ADAM17: variants seen among roughly 807,000 people sequenced by gnomAD.
ADAM17 encodes disintegrin and metalloproteinase domain-containing protein 17.
A neutral mutation model predicts 96.7 loss-of-function variants in ADAM17; 39 were observed. That is an observed-to-expected ratio of 0.40 (90% confidence interval 0.31 to 0.53). The LOEUF is 0.53. Among genes scored for constraint, ADAM17 ranks in the 20% least tolerant of loss-of-function variants. ADAM17 has a pLI of 0.44. For missense variants in ADAM17, 777 were observed against 1,013.2 expected (o/e 0.77, Z 3.17); for synonymous variants, 344 against 359.2 (o/e 0.96, Z 0.48).
chr2:9,549,674 T>C (rs949544709), intron 1 of ADAM17, among the ~76,000 whole-genome samples: 1 of 152,006 alleles, frequency 6.6e-6, no homozygotes, highest in Non-Finnish European at 1.5e-5. Flanking sequence ...CCACCGCACC[T>C]GGCTAATTTT....
Position 9,490,189 on chromosome 2 carries a change from TTCTTTGCTG to T in ADAM17, c.2454_2462del (p.Asp818_Lys820del), listed in dbSNP as rs777944947. ...GCTGAGAACTAAATTAGCACTCTGT[TTCTTTGCTG>T]TCAACACGATTCTGACGCTGCAGTT... is the stretch of plus-strand genomic sequence containing the variant. On this transcript the variant is annotated inframe_deletion, in exon 19 of 19. Transcript: ENST00000310823. 1 of 1,594,948 alleles carries T rather than the reference TTCTTTGCTG, an allele frequency of 6.3e-7. No individual in the cohort carries two copies. The highest frequency in any genetic ancestry group is 8.6e-7 in the Non-Finnish European group (1 of 1,163,982).
chr2:9,489,212 A>AACAGGCAATCTTTGTAT lies in ADAM17; in HGVS notation c.*948_*964dup, dbSNP rs1286574798. 1 of 150,874 alleles carries AACAGGCAATCTTTGTAT rather than the reference A, an allele frequency of 6.6e-6. No individual in the cohort carries two copies. Among genetic ancestry groups the AACAGGCAATCTTTGTAT allele is most frequent in the East Asian group, 1.9e-4 (1 of 5,198 alleles). The allele number at this position is 150,874 out of a possible 1,614,324, so 9.3% of individuals were successfully genotyped here. ...ACCCTCTTATTCAATAGTGTTTGAAAACAGGCAATCTTTGTATTTTAAATA... is the reference window on the plus strand; with the variant it reads ...ACCCTCTTATTCAATAGTGTTTGAAAACAGGCAATCTTTGTATACAGGCAATCTTTGTATTTTAAATA... On this transcript the variant is annotated 3_prime_UTR_variant, in exon 19 of 19. Transcript: ENST00000310823.
chr2:9,536,951 A>C, intron 2 of ADAM17, 123 bp from the exon 3 acceptor site: 2 of 1,144,988 alleles, frequency 1.7e-6, no homozygotes, highest in Non-Finnish European at 1.2e-6. Context: ...GCAAGTTACA[A>C]CTAAAGTCTT....
intron 17 of ADAM17, among the ~76,000 whole-genome samples, chr2:9,491,727 T>C (rs997203055): frequency 1.3e-5 from 2 of 152,154 alleles, no homozygotes; most frequent in Non-Finnish European, 2.9e-5. Context: ...GGCTGAAGCA[T>C]AATAGGTGAC....
chr2:9,514,595 C>T (rs1490812896), intron 10 of ADAM17, among the ~76,000 whole-genome samples: 1 of 136,896 alleles, frequency 7.3e-6, no homozygotes, highest in Non-Finnish European at 1.5e-5. Context: ...GGTCTCAGGC[C>T]AGGCACGGTG....
chr2:9,554,256 ATATT>A (rs1183156877), intron 1 of ADAM17, among the ~76,000 whole-genome samples: 4 of 152,184 alleles, frequency 2.6e-5, no homozygotes. Flanking sequence ...CTCAAAATAC[ATATT>A]TATTCTTTTT....
rs1572878026 is a variant in ADAM17, at chr2:9,493,645, T to C, written c.1993+102A>G. 10 of 966,974 alleles carry C rather than the reference T, an allele frequency of 1.0e-5. No homozygotes were observed. The East Asian group carries it at 2.6e-4, about 25-fold the overall frequency. The allele number at this position is 966,974 out of a possible 1,614,324, so 59.9% of individuals were successfully genotyped here. ...ACTAAAGCTGTGAATAGTTCCACCT[T>C]CTACTGCAGAATTAAAGCACATCAC... On this transcript the variant is annotated intron_variant, in intron 16 of 18. Coordinates refer to ENST00000310823, the MANE Select transcript of ADAM17 (RefSeq NM_003183.6).
At chr2:9,548,530 G>C (rs1250151930) in intron 1 of ADAM17, among the ~76,000 whole-genome samples, 1 of 151,472 alleles carries the variant, frequency 6.6e-6, no homozygotes, top group Non-Finnish European at 1.5e-5. Context: ...GATATCAGGA[G>C]ACAATTGCAT....
Position 9,490,450 on chromosome 2 carries a change from CTG to C in ADAM17, c.2200_2201del (p.Gln734AspfsTer44). ...VRIIKPFPAPQTPGRLQPAPV... is the reference protein window; with the variant it reads ...VRIIKPFPAPXTPGRLQPAPV... Reference sequence around the variant, plus strand: ...GGGCAGGCTGCAGGCGGCCTGGAGTCTGGGGCGCAGGAAAGGGTTTGATAATG... The same window carrying C: ...GGGCAGGCTGCAGGCGGCCTGGAGTCGGGCGCAGGAAAGGGTTTGATAATG... On this transcript the variant is annotated frameshift_variant, in exon 19 of 19. Transcript: ENST00000310823. LOFTEE classifies it high-confidence loss of function. The C allele has an allele frequency of 6.2e-7, 1 of 1,614,084 alleles. No homozygotes were observed. Among genetic ancestry groups the C allele is most frequent in the Non-Finnish European group, 8.5e-7 (1 of 1,179,980 alleles).
In ADAM17 at chr2:9,555,693, G is replaced by A; in HGVS notation, c.-88C>T. 8.8e-7 allele frequency: 1 copy of A among 1,134,156 alleles called. No homozygotes were observed. The highest frequency in any genetic ancestry group is 1.2e-6 in the Non-Finnish European group (1 of 816,466). 70.3% of individuals were successfully genotyped at this position (1,134,156 alleles called of 1,614,324 possible). A position where few individuals can be genotyped will look rare whatever the true frequency, so the allele number is the denominator to read the frequency against. On this transcript the variant is annotated 5_prime_UTR_variant, in exon 1 of 19. Coordinates refer to ENST00000310823, the MANE Select transcript of ADAM17 (RefSeq NM_003183.6). ...AACTGCTCACATCGGGGGAGGACGGGATCCGCCCGGCCTAGCCCCTCAATC... is the reference window on the plus strand; with the variant it reads ...AACTGCTCACATCGGGGGAGGACGGAATCCGCCCGGCCTAGCCCCTCAATC...
intron 13 of ADAM17, among the ~76,000 whole-genome samples, chr2:9,499,441 G>A (rs898732404): frequency 4.6e-5 from 7 of 151,720 alleles, no homozygotes; most frequent in African/African-American, 1.7e-4. Flanking sequence ...TTGCTCTGTT[G>A]CCCAGGCTGG....
chr2:9,498,807 A>G (rs974885029), intron 13 of ADAM17, among the ~76,000 whole-genome samples: 13 of 152,370 alleles, frequency 8.5e-5, no homozygotes, highest in African/African-American at 3.1e-4. Context: ...CTGCCCTGAT[A>G]CATTAAAAAA....
intron 10 of ADAM17, among the ~76,000 whole-genome samples, chr2:9,514,543 ATATATATATATATATATATATATAT>A: frequency 2.2e-5 from 1 of 44,610 alleles, no homozygotes; most frequent in Non-Finnish European, 6.0e-5. Context: ...ATATATATAT[ATATATATATATATATATATATATAT>A]AAATAAAAAG....
intron 1 of ADAM17, among the ~76,000 whole-genome samples, chr2:9,551,523 G>A (rs982471444): frequency 2.6e-5 from 4 of 152,090 alleles, no homozygotes; most frequent in Admixed American, 2.0e-4. Context: ...GCAGTGGCGC[G>A]ATCTCGGCTC....
At chr2:9,523,901 G>T (rs963628766) in intron 6 of ADAM17, among the ~76,000 whole-genome samples, 3 of 150,488 alleles carry the variant, frequency 2.0e-5, no homozygotes, top group Non-Finnish European at 4.4e-5. Flanking sequence ...CAAGAGACAA[G>T]GTCTTGCTCT....
Position 9,555,649 on chromosome 2 carries a change from G to C in ADAM17, c.-44C>G, listed in dbSNP as rs1174764447. ...GACTCCACCTCTCTGGGCAGCCTTC[G>C]CCTGACGGGGTTTCGGAAAACTGCT... On this transcript the variant is annotated 5_prime_UTR_variant, in exon 1 of 19. Coordinates refer to ENST00000310823, the MANE Select transcript of ADAM17 (RefSeq NM_003183.6). 1 of 1,477,480 alleles carries C rather than the reference G, an allele frequency of 6.8e-7. No individual in the cohort carries two copies. Among genetic ancestry groups the C allele is most frequent in the Non-Finnish European group, 9.1e-7 (1 of 1,098,532 alleles). 91.5% of individuals were successfully genotyped at this position (1,477,480 alleles called of 1,614,324 possible).
At chr2:9,531,681 G>A (rs12463748) in intron 4 of ADAM17, among the ~76,000 whole-genome samples, 34,826 of 152,110 alleles carry the variant, frequency 0.23, 4,744 homozygotes, top group Middle Eastern at 0.32. Flanking sequence ...CAGCCTGGGC[G>A]ACAGAGCAAG....
intron 10 of ADAM17, among the ~76,000 whole-genome samples, chr2:9,515,253 T>C (rs939292709): frequency 2.6e-5 from 4 of 152,352 alleles, no homozygotes; most frequent in Admixed American, 2.6e-4. Flanking sequence ...TTTGGAATCA[T>C]ATAGTATGTA....
intron 1 of ADAM17, 118 bp downstream of exon 1, chr2:9,555,391 G>A (rs1041822913): frequency 2.4e-6 from 2 of 821,312 alleles, no homozygotes; most frequent in South Asian, 4.0e-5. Flanking sequence ...GAAAACTTAG[G>A]GACGCGCCAC....
Sources: gnomAD v4.1 joint callset for allele counts (sites outside exome capture counted in the v4.1 genomes callset) on GRCh38, gnomAD v4.1.1 for gene constraint, MANE v1.5 for transcripts, NCBI Gene and HGNC (gene_info 2026-07-23, HGNC 2026-07-21) for gene names.